Variants in SLC22A2 observed in about 807,000 individuals in gnomAD.
SLC22A2 encodes the protein solute carrier family 22 member 2.
A neutral mutation model predicts 60.5 loss-of-function variants in SLC22A2; 46 were observed. The ratio of observed to expected loss-of-function variants is 0.76; its 90% confidence interval spans 0.60 to 0.97. The LOEUF (loss-of-function observed/expected upper bound fraction) is 0.97. Ranked by LOEUF, SLC22A2 falls within the 50% of genes least tolerant of loss-of-function variation. The pLI is 0.00. For synonymous variants in SLC22A2, 303 were observed against 267.0 expected, an observed-to-expected ratio of 1.13 and a Z score of -1.31; for missense variants, 701 against 706.6, an observed-to-expected ratio of 0.99 and a Z score of 0.09.
intron 2 of SLC22A2, among the ~76,000 whole-genome samples, chr6:160,255,329 G>A (rs1783252423): frequency 3.9e-5 from 6 of 152,154 alleles, no homozygotes; most frequent in Admixed American, 3.9e-4. Context: ...CCCCTGTGAA[G>A]TGCATATGCC....
At chr6:160,222,455 A>C (rs1358042598) in intron 10 of SLC22A2, among the ~76,000 whole-genome samples, 1 of 152,214 alleles carries the variant, frequency 6.6e-6, no homozygotes, top group South Asian at 2.1e-4. Flanking sequence ...CTGGCTAGAG[A>C]AAGAAACTTC....
At chr6:160,224,667 T>C in intron 10 of SLC22A2, 38 bp downstream of exon 10, 1 of 1,389,234 alleles carries the variant, frequency 7.2e-7, no homozygotes, top group Non-Finnish European at 1.0e-6. Flanking sequence ...TCTTAAAACC[T>C]TTATAGAACA....
intron 2 of SLC22A2, among the ~76,000 whole-genome samples, chr6:160,254,825 A>C (rs928103594): frequency 1.1e-4 from 16 of 152,234 alleles, no homozygotes; most frequent in African/African-American, 3.9e-4. Context: ...ATAATTGACC[A>C]GGGCTTATAA....
intron 7 of SLC22A2, among the ~76,000 whole-genome samples, chr6:160,242,800 C>G (rs550219034): frequency 6.6e-6 from 1 of 152,172 alleles, no homozygotes; most frequent in East Asian, 1.9e-4. Flanking sequence ...CACCCCAAAT[C>G]TATAGCTGGC....
chr6:160,247,124 A>T, intron 5 of SLC22A2, 60 bp downstream of exon 5: 1 of 1,002,654 alleles, frequency 1.0e-6, no homozygotes, highest in Non-Finnish European at 1.6e-6. Context: ...GCATGCATGA[A>T]TCTTACCAGA....
rs148994991 is a variant in SLC22A2, at chr6:160,241,606, T to C, written c.1389-20A>G. The C allele has an allele frequency of 2.0e-6, 3 of 1,511,386 alleles. No homozygotes were observed. Among genetic ancestry groups the C allele is most frequent in the Non-Finnish European group, 2.8e-6 (3 of 1,086,924 alleles). 93.6% of individuals were successfully genotyped at this position (1,511,386 alleles called of 1,614,324 possible). A position where few individuals can be genotyped will look rare whatever the true frequency, so the allele number is the denominator to read the frequency against. ...AGATTCCTAGAATGCAGGAAACTGATTTAACTTGTTAACTTATCACAGTGC... is the reference window on the plus strand; with the variant it reads ...AGATTCCTAGAATGCAGGAAACTGACTTAACTTGTTAACTTATCACAGTGC... On this transcript the variant is annotated intron_variant, in intron 8 of 10. Coordinates refer to ENST00000366953, the MANE Select transcript of SLC22A2 (RefSeq NM_003058.4).
intron 9 of SLC22A2, among the ~76,000 whole-genome samples, chr6:160,233,040 C>T (rs1354389006): frequency 6.6e-6 from 1 of 152,000 alleles, no homozygotes. Flanking sequence ...TCAAGGAAAT[C>T]ACTTCTCAGT....
At chr6:160,246,613 G>A (rs1583399043) in intron 5 of SLC22A2, among the ~76,000 whole-genome samples, 1 of 152,134 alleles carries the variant, frequency 6.6e-6, no homozygotes, top group East Asian at 1.9e-4. Flanking sequence ...TTGGCGTGGT[G>A]GTGCTCGTCT....
intron 2 of SLC22A2, among the ~76,000 whole-genome samples, chr6:160,255,694 A>G (rs1195825435): frequency 6.6e-6 from 1 of 152,214 alleles, no homozygotes; most frequent in Non-Finnish European, 1.5e-5. Context: ...ATTACCCACA[A>G]TGTTGAACAC....
At position 160,256,530 on chromosome 6, in the gene SLC22A2, G is replaced by T. The variant is rs1428366396; in HGVS notation, c.518+84C>A. On this transcript the variant is annotated intron_variant, in intron 2 of 10. Transcript: ENST00000366953. ...GTGGTCTGTGTGCTTGGGAAAGGAT[G>T]GGATTCAAGCAGGGGCAGGTGCATC... 3 of 866,002 alleles carry T rather than the reference G, an allele frequency of 3.5e-6. No homozygotes were observed. The South Asian group carries it at 4.2e-5, about 12-fold the overall frequency. The allele number at this position is 866,002 out of a possible 1,614,324, so 53.6% of individuals were successfully genotyped here.
intron 9 of SLC22A2, among the ~76,000 whole-genome samples, chr6:160,234,671 A>C (rs1782882480): frequency 6.6e-6 from 1 of 152,204 alleles, no homozygotes; most frequent in South Asian, 2.1e-4. Flanking sequence ...CCACCATCCA[A>C]CAGATAGGAA....
intron 9 of SLC22A2, among the ~76,000 whole-genome samples, chr6:160,230,411 A>T (rs1782802782): frequency 6.6e-6 from 1 of 151,908 alleles, no homozygotes; most frequent in Non-Finnish European, 1.5e-5. Flanking sequence ...AGCCCGGTCC[A>T]TGGCCCTTTT....
intron 10 of SLC22A2, among the ~76,000 whole-genome samples, chr6:160,220,325 A>T (rs560073426): frequency 6.6e-6 from 1 of 152,334 alleles, no homozygotes; most frequent in Non-Finnish European, 1.5e-5. Context: ...GGTTGAAGCA[A>T]TTCAGTCACA....
intron 9 of SLC22A2, among the ~76,000 whole-genome samples, chr6:160,236,671 A>G (rs657051): frequency 0.7 from 106,197 of 152,066 alleles, 38,938 homozygotes; most frequent in Admixed American, 0.82. Flanking sequence ...TAGAGCCAAT[A>G]AAAGTCCCCT....
chr6:160,226,875 C>T (rs919755897), intron 9 of SLC22A2, among the ~76,000 whole-genome samples: 2 of 152,062 alleles, frequency 1.3e-5, no homozygotes, highest in African/African-American at 4.8e-5. Context: ...AGACATATCT[C>T]ATTATACCCT....
rs774203224 is a variant in SLC22A2 at position 160,258,669 on chromosome 6, G to A, written c.89C>T (p.Ser30Leu). The change falls in exon 1 of 11, where the codon TCG (serine) becomes TTG (leucine). Residue 30 changes from serine to leucine, a missense_variant. Physicochemically the swap from Ser to Leu is moderately radical, Grantham distance 145 (BLOSUM62 -2). Transcript: ENST00000366953. The part of the protein sequence containing the change: ...KQMFFLLALL[S>L]ATFAPIYVGI... ...CACGTAGATGGGCGCGAAGGTAGCCGAGAGCAGAGCCAAGAGGAAAAACAT... is the reference window on the plus strand; with the variant it reads ...CACGTAGATGGGCGCGAAGGTAGCCAAGAGCAGAGCCAAGAGGAAAAACAT... 2.5e-6 allele frequency: 4 copies of A among 1,613,106 alleles called. No homozygotes were observed. The highest frequency in any genetic ancestry group is 2.5e-6 in the Non-Finnish European group (3 of 1,179,570).
At chr6:160,227,312 G>A (rs947001812) in intron 9 of SLC22A2, among the ~76,000 whole-genome samples, 18 of 152,122 alleles carry the variant, frequency 1.2e-4, no homozygotes, top group African/African-American at 4.3e-4. Flanking sequence ...TCTTAACTCA[G>A]GCACTCTTTT....
In SLC22A2 at chr6:160,217,045, C is replaced by T. The variant is rs1397058168; in HGVS notation, c.*387G>A. 2 of 160,390 alleles carry T rather than the reference C, an allele frequency of 1.2e-5. No individual in the cohort carries two copies. Among genetic ancestry groups the T allele is most frequent in the African/African-American group, 2.4e-5 (1 of 40,920 alleles). The allele number at this position is 160,390 out of a possible 1,614,324, so 9.9% of individuals were successfully genotyped here. The stretch of plus-strand genomic sequence containing the variant: ...TATTTCTTTAAGAAAATAGATGCTC[C>T]TCTCCCAACTTTACTGTTTTTCACA... On this transcript the variant is annotated 3_prime_UTR_variant, in exon 11 of 11. Transcript: ENST00000366953.
intron 9 of SLC22A2, among the ~76,000 whole-genome samples, chr6:160,240,282 A>G (rs1005759454): frequency 6.6e-6 from 1 of 152,238 alleles, no homozygotes; most frequent in Non-Finnish European, 1.5e-5. Context: ...TACATTTTAC[A>G]TATGATAAGG....
Sources: allele counts gnomAD v4.1 joint callset (sites outside exome capture counted in the v4.1 genomes callset), GRCh38; gene constraint gnomAD v4.1.1; transcripts MANE v1.5; gene names NCBI Gene and HGNC (gene_info 2026-07-23, HGNC 2026-07-21).